TEX9: variants seen among roughly 807,000 people sequenced by gnomAD.
TEX9 encodes testis expressed 9.
A neutral mutation model predicts 59.6 loss-of-function variants in TEX9; 74 were observed. The observed-to-expected ratio is 1.24, with a 90% CI of 1.03 to 1.51. The LOEUF (loss-of-function observed/expected upper bound fraction) is 1.51, where lower values mean the gene tolerates loss of function less well. Among genes scored for constraint, TEX9 ranks in the 40% most tolerant of loss-of-function variants. TEX9 has a pLI of 0.00. For synonymous variants in TEX9, 186 were observed against 152.2 expected, an observed-to-expected ratio of 1.22 and a Z score of -1.64; for missense variants, 522 against 447.8, an observed-to-expected ratio of 1.17 and a Z score of -1.49.
At chr15:56,346,123 CA>C (rs1266377667) in intron 1 of TEX9, among the ~76,000 whole-genome samples, 5 of 152,122 alleles carry the variant, frequency 3.3e-5, no homozygotes, top group African/African-American at 1.2e-4. Flanking sequence ...TCTAACCAAC[CA>C]CAATAAATAC....
chr15:56,361,662 C>T (rs771912884), upstream of TEX9, among the ~76,000 whole-genome samples: 2 of 151,856 alleles, frequency 1.3e-5, no homozygotes, highest in African/African-American at 2.4e-5. Flanking sequence ...ATGGTCTTTA[C>T]AGATGTAATC....
intron 1 of TEX9, among the ~76,000 whole-genome samples, chr15:56,250,540 A>C (rs2043990691): frequency 6.6e-6 from 1 of 152,220 alleles, no homozygotes. Context: ...AGTGTATTCA[A>C]GCTAGTCTGA....
chr15:56,310,303 A>G (rs1361684704), intron 1 of TEX9, among the ~76,000 whole-genome samples: 1 of 152,180 alleles, frequency 6.6e-6, no homozygotes, highest in Admixed American at 6.5e-5. Flanking sequence ...GTGGTGGTGC[A>G]TGCCTGTAAT....
intron 12 of TEX9, among the ~76,000 whole-genome samples, chr15:56,433,652 T>C (rs148557826): frequency 2.6e-5 from 4 of 152,240 alleles, no homozygotes; most frequent in African/African-American, 4.8e-5. Context: ...TCATCTCTTA[T>C]CTACCTTCAA....
At chr15:56,278,890 T>TG (rs2044746492) in intron 1 of TEX9, among the ~76,000 whole-genome samples, 1 of 152,068 alleles carries the variant, frequency 6.6e-6, no homozygotes, top group African/African-American at 2.4e-5. Context: ...GCAAATTTCC[T>TG]GGGGGTAAGA....
intron 3 of TEX9, among the ~76,000 whole-genome samples, chr15:56,379,024 A>C (rs1010419380): frequency 4.7e-5 from 7 of 150,088 alleles, no homozygotes; most frequent in Non-Finnish European, 1.0e-4. Context: ...TGATCATGCC[A>C]CTGCACTACA....
chr15:56,319,733 C>T (rs2045860939), intron 1 of TEX9, among the ~76,000 whole-genome samples: 1 of 152,026 alleles, frequency 6.6e-6, no homozygotes, highest in South Asian at 2.1e-4. Flanking sequence ...TGATCAATTC[C>T]CAGGATGAGG....
chr15:56,244,467 C>A (rs545176658), intron 1 of TEX9, among the ~76,000 whole-genome samples: 1 of 152,102 alleles, frequency 6.6e-6, no homozygotes, highest in African/African-American at 2.4e-5. Context: ...CGGCCTCCAT[C>A]CCCCTGCAAG....
intron 1 of TEX9, among the ~76,000 whole-genome samples, chr15:56,262,532 T>C (rs1487591441): frequency 6.6e-6 from 1 of 152,254 alleles, no homozygotes; most frequent in Admixed American, 6.5e-5. Flanking sequence ...TATAGCCTAT[T>C]TTGACAAACA....
intron 2 of TEX9, among the ~76,000 whole-genome samples, chr15:56,373,166 T>C (rs1396624669): frequency 6.6e-6 from 1 of 152,204 alleles, no homozygotes; most frequent in East Asian, 1.9e-4. Flanking sequence ...ACCCAGCTTA[T>C]TCTTCCCAAA....
chr15:56,247,383 T>C (rs2043885013), intron 1 of TEX9, among the ~76,000 whole-genome samples: 1 of 152,138 alleles, frequency 6.6e-6, no homozygotes, highest in African/African-American at 2.4e-5. Flanking sequence ...GAGGGAGGGA[T>C]TGGTCTTGCT....
chr15:56,456,398 T>C, the TEX9 span: 1 of 1,603,966 alleles, frequency 6.2e-7, no homozygotes, highest in Non-Finnish European at 8.5e-7. Flanking sequence ...AGATACCTGT[T>C]TTCTCTTACT....
chr15:56,252,741 C>A (rs2044055165), intron 1 of TEX9, among the ~76,000 whole-genome samples: 1 of 152,054 alleles, frequency 6.6e-6, no homozygotes, highest in African/African-American at 2.4e-5. Context: ...CATGGAGATC[C>A]CCCGGGCTTC....
rs2140299265 is a variant in TEX9 at position 56,428,441 on chromosome 15, A to G, written c.1173A>G (p.Ser391=). The change falls in exon 12 of 13, where the codon TCA becomes TCG. Residue 391 remains serine, a synonymous_variant. Coordinates refer to ENST00000352903, the Ensembl canonical transcript of TEX9. ...TGAAAGCACTTGAATGGGGAAATTC[A>G]TAAGTGATCTACTTCAGTTAGTCTC... 7.5e-6 allele frequency: 12 copies of G among 1,608,788 alleles called. No individual in the cohort carries two copies. The East Asian group carries it at 1.3e-4, about 18-fold the overall frequency.
chr15:56,268,060 G>C (rs878996763), intron 1 of TEX9, among the ~76,000 whole-genome samples: 2 of 151,996 alleles, frequency 1.3e-5, no homozygotes, highest in Admixed American at 6.6e-5. Context: ...AGTTGGATTC[G>C]TAGGTATTTT....
At chr15:56,255,227 G>A (rs1447764988) in intron 1 of TEX9, among the ~76,000 whole-genome samples, 1 of 152,106 alleles carries the variant, frequency 6.6e-6, no homozygotes, top group African/African-American at 2.4e-5. Context: ...GTAAATGAAT[G>A]TGCGATAAGA....
intron 10 of TEX9, among the ~76,000 whole-genome samples, chr15:56,425,716 G>A (rs2050205731): frequency 6.6e-6 from 1 of 152,016 alleles, no homozygotes; most frequent in African/African-American, 2.4e-5. Context: ...TGTTTCTTTA[G>A]GATACACTTC....
chr15:56,322,315 G>T (rs74018632), intron 1 of TEX9, among the ~76,000 whole-genome samples: 4,439 of 152,174 alleles, frequency 0.029, 240 homozygotes, highest in African/African-American at 0.1. Flanking sequence ...AGAGTAAGCA[G>T]GGTAACTACC....
At chr15:56,443,640 C>T in intron 12 of TEX9, 1 of 1,610,996 alleles carries the variant, frequency 6.2e-7, no homozygotes, top group Non-Finnish European at 8.5e-7. Context: ...TTTAATACCG[C>T]ATTCTGAAGC....
Sources: gnomAD v4.1 joint callset for allele counts (sites outside exome capture counted in the v4.1 genomes callset) on GRCh38, gnomAD v4.1.1 for gene constraint, MANE v1.5 for transcripts, NCBI Gene and HGNC (gene_info 2026-07-23, HGNC 2026-07-21) for gene names.